The following EPHB1 variants were observed in gnomAD, a reference collection of about 807,000 sequenced individuals.
The protein encoded by EPHB1 is ephrin type-B receptor 1.
EPHB1 carries 30 observed loss-of-function variants against 94.4 expected under a neutral mutation model. The ratio of observed to expected loss-of-function variants is 0.32; its 90% confidence interval spans 0.24 to 0.43. The LOEUF is 0.43. Ranked by LOEUF, EPHB1 falls within the 20% of genes least tolerant of loss-of-function variation. The pLI, the probability that EPHB1 is intolerant of heterozygous loss-of-function variation, is 1.00. For missense variants in EPHB1, 1,055 were observed against 1,308.3 expected (o/e 0.81, Z 2.99); for synonymous variants, 522 against 489.1 (o/e 1.07, Z -0.89).
intron 3 of EPHB1, among the ~76,000 whole-genome samples, chr3:135,014,774 G>A (rs932967631): frequency 5.3e-5 from 8 of 152,344 alleles, no homozygotes; most frequent in Middle Eastern, 6.8e-3. Flanking sequence ...CCTTAGTGGA[G>A]TCACACAGAG....
chr3:134,955,904 C>T (rs1459916855), intron 3 of EPHB1, among the ~76,000 whole-genome samples: 1 of 152,144 alleles, frequency 6.6e-6, no homozygotes, highest in African/African-American at 2.4e-5. Context: ...GAAATCATAG[C>T]TTTGTCTTCC....
intron 1 of EPHB1, among the ~76,000 whole-genome samples, chr3:134,857,227 G>A (rs1028017418): frequency 2.6e-5 from 4 of 152,126 alleles, no homozygotes; most frequent in Non-Finnish European, 4.4e-5. Flanking sequence ...ATTTCTTTGT[G>A]CTCAGCCCCT....
At chr3:135,057,697 G>C (rs1201537384) in intron 3 of EPHB1, among the ~76,000 whole-genome samples, 5 of 152,118 alleles carry the variant, frequency 3.3e-5, no homozygotes, top group African/African-American at 1.2e-4. Flanking sequence ...TCCTTGACTT[G>C]TGTGCACATA....
intron 5 of EPHB1, among the ~76,000 whole-genome samples, chr3:135,146,619 C>G (rs1941019356): frequency 1.3e-5 from 2 of 152,210 alleles, no homozygotes; most frequent in African/African-American, 4.8e-5. Context: ...TCAAGGGAAA[C>G]CAGCTCTCTT....
At chr3:135,079,915 A>G (rs1360085860) in intron 3 of EPHB1, among the ~76,000 whole-genome samples, 4 of 152,034 alleles carry the variant, frequency 2.6e-5, no homozygotes, top group African/African-American at 4.8e-5. Context: ...TGGCCATCCC[A>G]AGTCCATTTT....
chr3:135,174,374 G>A (rs921895950), intron 9 of EPHB1, among the ~76,000 whole-genome samples: 1 of 152,132 alleles, frequency 6.6e-6, no homozygotes, highest in Non-Finnish European at 1.5e-5. Context: ...CGACACTCCA[G>A]GCTCCTCTTT....
intron 1 of EPHB1, among the ~76,000 whole-genome samples, chr3:134,868,856 C>T (rs1019991705): frequency 6.6e-6 from 1 of 152,230 alleles, no homozygotes; most frequent in Non-Finnish European, 1.5e-5. Context: ...AATAATGAAT[C>T]CATGCAGTGG....
intron 3 of EPHB1, among the ~76,000 whole-genome samples, chr3:135,032,754 A>C (rs1295234137): frequency 1.3e-5 from 2 of 152,272 alleles, no homozygotes; most frequent in East Asian, 1.9e-4. Flanking sequence ...TTCTCTAATC[A>C]CTGAATTTTA....
chr3:135,220,187 C>T (rs1943243597), intron 12 of EPHB1, among the ~76,000 whole-genome samples: 1 of 152,014 alleles, frequency 6.6e-6, no homozygotes, highest in African/African-American at 2.4e-5. Flanking sequence ...AGAGTGAGTC[C>T]AAGTCAAAGC....
At chr3:134,981,844 A>G (rs562692243) in intron 3 of EPHB1, among the ~76,000 whole-genome samples, 3 of 152,348 alleles carry the variant, frequency 2.0e-5, no homozygotes, top group South Asian at 4.1e-4. Context: ...TGGACTCTCC[A>G]TGAAGACAGC....
At chr3:135,053,979 G>A (rs1160434967) in intron 3 of EPHB1, among the ~76,000 whole-genome samples, 1 of 151,274 alleles carries the variant, frequency 6.6e-6, no homozygotes. Flanking sequence ...GTGACAGAAT[G>A]AGATCCTGTC....
At chr3:134,965,557 G>C (rs1423398860) in intron 3 of EPHB1, among the ~76,000 whole-genome samples, 1 of 152,174 alleles carries the variant, frequency 6.6e-6, no homozygotes, top group Non-Finnish European at 1.5e-5. Context: ...GACAGAGTGA[G>C]ACCCTGTCTC....
At chr3:134,845,997 C>A (rs1286918077) in intron 1 of EPHB1, among the ~76,000 whole-genome samples, 1 of 152,120 alleles carries the variant, frequency 6.6e-6, no homozygotes, top group Non-Finnish European at 1.5e-5. Flanking sequence ...ATGATCATTT[C>A]TTTTCACGAC....
intron 1 of EPHB1, among the ~76,000 whole-genome samples, chr3:134,855,479 G>A (rs865968714): frequency 6.6e-6 from 1 of 152,170 alleles, no homozygotes; most frequent in African/African-American, 2.4e-5. Context: ...TGTAGACAGA[G>A]CCTTGGGGTA....
chr3:135,196,260 G>A lies in EPHB1; in HGVS notation c.2130+3437G>A, dbSNP rs544004997. On this transcript the variant is annotated intron_variant, in intron 11 of 15. Transcript: ENST00000398015. ...GCCCTTTGTCAGATGAGTAGGTTGC[G>A]AAAATTTTCTCCCATTTTGTAGGTT... Among the ~76,000 whole-genome samples the A allele has an allele frequency of 3.3e-4, 50 of 152,116 alleles. 1 individual carries two copies. Among genetic ancestry groups the A allele is most frequent in the Admixed American group, 2.1e-3 (32 of 15,280 alleles).
At chr3:134,925,346 C>A (rs1291179798) in intron 1 of EPHB1, among the ~76,000 whole-genome samples, 1 of 152,176 alleles carries the variant, frequency 6.6e-6, no homozygotes, top group African/African-American at 2.4e-5. Flanking sequence ...GGAAGGAGGG[C>A]AGACAGATGA....
At chr3:134,821,825 T>C (rs1031795130) in intron 1 of EPHB1, among the ~76,000 whole-genome samples, 1 of 152,154 alleles carries the variant, frequency 6.6e-6, no homozygotes, top group Non-Finnish European at 1.5e-5. Flanking sequence ...TGTGATGCCT[T>C]TGGGATACAG....
At chr3:134,935,818 T>A (rs1439440141) in intron 2 of EPHB1, among the ~76,000 whole-genome samples, 1 of 126,528 alleles carries the variant, frequency 7.9e-6, no homozygotes, top group Non-Finnish European at 1.7e-5. Context: ...TTAATAGCAG[T>A]GCTATTATTA....
chr3:135,106,387 A>G (rs1197310511), intron 3 of EPHB1, 61 bp from the exon 4 acceptor site: 1 of 1,587,334 alleles, frequency 6.3e-7, no homozygotes, highest in Non-Finnish European at 8.6e-7. Flanking sequence ...TTCCGGTTGT[A>G]GGGAAGAGTT....
Sources: allele counts gnomAD v4.1 joint callset (sites outside exome capture counted in the v4.1 genomes callset), GRCh38; gene constraint gnomAD v4.1.1; transcripts MANE v1.5; gene names NCBI Gene and HGNC (gene_info 2026-07-23, HGNC 2026-07-21).